The following RBFOX1 variants were observed in gnomAD, a reference collection of about 807,000 sequenced individuals.
The protein encoded by RBFOX1 is RNA binding protein fox-1 homolog 1.
RBFOX1 carries 8 observed loss-of-function variants against 57.7 expected under a neutral mutation model. The observed-to-expected ratio is 0.14, with a 90% CI of 0.08 to 0.25. The LOEUF (loss-of-function observed/expected upper bound fraction) is 0.25. RBFOX1 is among the 10% of genes least tolerant of loss of function. The pLI is 1.00. For synonymous variants in RBFOX1, 326 were observed against 222.4 expected (o/e 1.47, Z -4.15); for missense variants, 611 against 548.5 (o/e 1.11, Z -1.14).
chr16:6,406,467 A>C (rs2093284065), intron 2 of RBFOX1, among the ~76,000 whole-genome samples: 2 of 152,192 alleles, frequency 1.3e-5, no homozygotes, highest in Non-Finnish European at 2.9e-5. Context: ...AAAATAGGAA[A>C]ATTTTATTAC....
chr16:7,513,927 T>C (rs887411987), intron 4 of RBFOX1, among the ~76,000 whole-genome samples: 3 of 152,246 alleles, frequency 2.0e-5, no homozygotes, highest in Non-Finnish European at 2.9e-5. Context: ...ATTTTCAATA[T>C]TGCCAGTCTC....
intron 3 of RBFOX1, among the ~76,000 whole-genome samples, chr16:5,864,903 G>T (rs951958461): frequency 2.0e-5 from 3 of 152,188 alleles, no homozygotes; most frequent in Non-Finnish European, 4.4e-5. Context: ...TTCAAACCCT[G>T]TACTTTAGTC....
At chr16:6,515,138 A>G (rs887255429) in intron 2 of RBFOX1, among the ~76,000 whole-genome samples, 1 of 152,196 alleles carries the variant, frequency 6.6e-6, no homozygotes, top group South Asian at 2.1e-4. Context: ...TTATGTGCTA[A>G]GTCCTGTGGT....
At chr16:7,428,917 A>G (rs1054954840) in intron 4 of RBFOX1, among the ~76,000 whole-genome samples, 1 of 152,172 alleles carries the variant, frequency 6.6e-6, no homozygotes, top group Non-Finnish European at 1.5e-5. Flanking sequence ...TCACATCTGC[A>G]CATGTAGGTC....
chr16:5,751,060 C>T (rs1307979596), intron 3 of RBFOX1, among the ~76,000 whole-genome samples: 1 of 152,154 alleles, frequency 6.6e-6, no homozygotes, highest in African/African-American at 2.4e-5. Flanking sequence ...CTGGGCTGGT[C>T]TCAAACTTCT....
chr16:7,210,328 C>T (rs2090879239), intron 4 of RBFOX1, among the ~76,000 whole-genome samples: 1 of 152,150 alleles, frequency 6.6e-6, no homozygotes, highest in Non-Finnish European at 1.5e-5. Context: ...AACTCTTGGG[C>T]AGGAGCTGAC....
At chr16:5,832,405 G>C (rs2056306171) in intron 3 of RBFOX1, among the ~76,000 whole-genome samples, 1 of 152,236 alleles carries the variant, frequency 6.6e-6, no homozygotes, top group African/African-American at 2.4e-5. Flanking sequence ...CCACTTCCTA[G>C]CTGTGTGATC....
At chr16:7,117,574 A>G (rs537929720) in intron 4 of RBFOX1, among the ~76,000 whole-genome samples, 4 of 152,322 alleles carry the variant, frequency 2.6e-5, no homozygotes, top group Non-Finnish European at 5.9e-5. Context: ...ATAGTACCTC[A>G]TCTGAAAAAT....
intron 2 of RBFOX1, among the ~76,000 whole-genome samples, chr16:5,558,172 T>G (rs1462650679): frequency 1.3e-5 from 2 of 152,156 alleles, no homozygotes; most frequent in African/African-American, 4.8e-5. Context: ...GGGCGAGAAC[T>G]TGGGATACAG....
chr16:7,528,635 C>T (rs79665316), intron 5 of RBFOX1, among the ~76,000 whole-genome samples: 5,940 of 152,182 alleles, frequency 0.039, 189 homozygotes, highest in East Asian at 0.13. Flanking sequence ...GTACTGCCTC[C>T]TGAGTAGCTG....
intron 14 of RBFOX1, among the ~76,000 whole-genome samples, chr16:7,701,654 G>C (rs975148893): frequency 6.6e-6 from 1 of 151,382 alleles, no homozygotes; most frequent in Non-Finnish European, 1.5e-5. Context: ...ATCTTGAGAA[G>C]CTTTGAGGAT....
chr16:6,320,727 A>G (rs948693292), intron 2 of RBFOX1, among the ~76,000 whole-genome samples: 2 of 152,050 alleles, frequency 1.3e-5, no homozygotes, highest in African/African-American at 4.8e-5. Context: ...TGACTATTAC[A>G]CCTGAAAACT....
At chr16:5,256,292 A>G (rs1001268381) in intron 1 of RBFOX1, among the ~76,000 whole-genome samples, 1 of 152,196 alleles carries the variant, frequency 6.6e-6, no homozygotes, top group Non-Finnish European at 1.5e-5. Context: ...CCTGGCACCC[A>G]TGGCAGAGTT....
rs148042450 is a variant in RBFOX1 at position 5,256,951 on chromosome 16, A to G, written c.219+16846A>G. ...TCTGTCTGAAAAAAGAAAAAAAAAA[A>G]AGCAAAGTTAACACTTCCTCCATCT... On this transcript the variant is annotated intron_variant, in intron 1 of 2. Transcript: ENST00000585867. Among the ~76,000 whole-genome samples the G allele has an allele frequency of 1.2e-3, 179 of 151,980 alleles. 1 individual carries two copies. The highest frequency in any genetic ancestry group is 4.2e-3 in the African/African-American group (172 of 41,440).
intron 4 of RBFOX1, among the ~76,000 whole-genome samples, chr16:7,377,900 T>A (rs917489923): frequency 1.3e-5 from 2 of 152,174 alleles, no homozygotes; most frequent in Non-Finnish European, 2.9e-5. Context: ...TCCCATAGTT[T>A]GGAGACTCAG....
intron 2 of RBFOX1, among the ~76,000 whole-genome samples, chr16:6,536,817 G>A (rs1469619006): frequency 6.6e-6 from 1 of 152,024 alleles, no homozygotes; most frequent in Non-Finnish European, 1.5e-5. Flanking sequence ...CAAGTTCAGT[G>A]GTGCATTCCT....
chr16:6,331,464 C>T (rs902351401), intron 2 of RBFOX1, among the ~76,000 whole-genome samples: 16 of 151,530 alleles, frequency 1.1e-4, no homozygotes, highest in African/African-American at 3.9e-4. Flanking sequence ...GGAAGGATGA[C>T]ATTGGCTTAG....
intron 4 of RBFOX1, among the ~76,000 whole-genome samples, chr16:7,312,493 A>G (rs1443276058): frequency 6.6e-6 from 1 of 152,212 alleles, no homozygotes; most frequent in African/African-American, 2.4e-5. Context: ...TCAAATTAAC[A>G]TGATTAATAC....
At chr16:5,638,578 G>T (rs1465465046) in intron 3 of RBFOX1, among the ~76,000 whole-genome samples, 1 of 152,210 alleles carries the variant, frequency 6.6e-6, no homozygotes, top group Non-Finnish European at 1.5e-5. Flanking sequence ...GAAAAGTGGG[G>T]TTATAGGAAT....
Sources: gnomAD v4.1 joint callset for allele counts (sites outside exome capture counted in the v4.1 genomes callset) on GRCh38, gnomAD v4.1.1 for gene constraint, MANE v1.5 for transcripts, NCBI Gene and HGNC (gene_info 2026-07-23, HGNC 2026-07-21) for gene names.